Variants in VPS4B observed in about 807,000 individuals in gnomAD.
VPS4B encodes the protein vacuolar protein sorting-associated protein 4B.
Under a neutral mutation model 56.1 loss-of-function variants are expected in VPS4B, and 23 were observed. The ratio of observed to expected loss-of-function variants is 0.41; its 90% CI spans 0.30 to 0.58. The LOEUF (loss-of-function observed/expected upper bound fraction) is 0.58. VPS4B is among the 20% of genes least tolerant of loss of function. The pLI, the probability that VPS4B is intolerant of heterozygous loss-of-function variation, is 0.29. For missense variants in VPS4B, 372 were observed against 531.9 expected (o/e 0.70, Z 2.96); for synonymous variants, 177 against 186.0 (o/e 0.95, Z 0.39).
chr18:63,409,797 A>G (rs746987), intron 3 of VPS4B, among the ~76,000 whole-genome samples: 23,562 of 152,218 alleles, frequency 0.15, 2,067 homozygotes, highest in East Asian at 0.35. Flanking sequence ...AAAAATTTAC[A>G]TTGTTGGAGT....
intron 1 of VPS4B, among the ~76,000 whole-genome samples, chr18:63,421,064 G>C (rs981384483): frequency 6.8e-6 from 1 of 148,138 alleles, no homozygotes; most frequent in East Asian, 2.0e-4. Flanking sequence ...AGAAAGAAAA[G>C]AAAAGGAAAA....
chr18:63,399,603 C>T (rs1188133733), intron 7 of VPS4B, among the ~76,000 whole-genome samples: 1 of 152,088 alleles, frequency 6.6e-6, no homozygotes, highest in East Asian at 1.9e-4. Context: ...AAATTTCATT[C>T]GAAGTCTACA....
chr18:63,410,149 G>A, intron 3 of VPS4B, 141 bp downstream of exon 3: 1 of 1,110,962 alleles, frequency 9.0e-7, no homozygotes, highest in East Asian at 2.4e-5. Flanking sequence ...GCTGTGTTCT[G>A]ATAAAGCTTA....
At chr18:63,410,557 A>T (rs1916017842) in intron 2 of VPS4B, 111 bp from the exon 3 acceptor site, 1 of 1,363,836 alleles carries the variant, frequency 7.3e-7, no homozygotes, top group Admixed American at 2.3e-5. Flanking sequence ...TGGAAGAAGG[A>T]GGGAAGATCA....
intron 8 of VPS4B, among the ~76,000 whole-genome samples, chr18:63,398,608 C>T (rs548610992): frequency 3.3e-5 from 5 of 151,674 alleles, no homozygotes; most frequent in African/African-American, 1.2e-4. Context: ...GAGGCTGAGG[C>T]GGGTGGATCA....
rs1015779480 is a variant in VPS4B at position 63,422,431 on chromosome 18, G to A, written c.-172C>T. ...GTTTTAGACAACACTCTCTCCACCA[G>A]AGCTCCGACCCTCCCCACCAAACTT... On this transcript the variant is annotated 5_prime_UTR_variant, in exon 1 of 11. Transcript: ENST00000238497. 2.2e-5 allele frequency: 11 copies of A among 497,016 alleles called. No individual in the cohort carries two copies. Among genetic ancestry groups the A allele is most frequent in the Admixed American group, 4.4e-5 (1 of 22,534 alleles). 30.8% of individuals were successfully genotyped at this position (497,016 alleles called of 1,614,324 possible). A position where few individuals can be genotyped will look rare whatever the true frequency, so the allele number is the denominator to read the frequency against.
At chr18:63,393,284 G>A (rs1045904141) in intron 10 of VPS4B, 125 bp downstream of exon 10, 46 of 840,844 alleles carry the variant, frequency 5.5e-5, no homozygotes, top group Non-Finnish European at 7.2e-5. Flanking sequence ...AATTTTTAAT[G>A]AGTCAACAAT....
chr18:63,420,914 T>C (rs1171805269), intron 1 of VPS4B, among the ~76,000 whole-genome samples: 1 of 151,292 alleles, frequency 6.6e-6, no homozygotes, highest in Admixed American at 6.6e-5. Flanking sequence ...GGTGGGTGCC[T>C]GTAGTCCCAG....
rs772560980 is a variant in VPS4B at position 63,422,281 on chromosome 18, CCAAGGGAACGAGGGG to C, written c.-37_-23del. The C allele has an allele frequency of 4.7e-6, 7 of 1,500,330 alleles. No individual in the cohort carries two copies. In the South Asian group the frequency reaches 9.0e-5, roughly 19 times the overall value. The allele number at this position is 1,500,330 out of a possible 1,614,324, so 92.9% of individuals were successfully genotyped here. A position where few individuals can be genotyped will look rare whatever the true frequency, so the allele number is the denominator to read the frequency against. On this transcript the variant is annotated 5_prime_UTR_variant, in exon 1 of 11. Coordinates refer to ENST00000238497, the MANE Select transcript of VPS4B (RefSeq NM_004869.4). ...ACATGGCGGAGTTCCCAGGCGGTTC[CCAAGGGAACGAGGGG>C]CGAGGAGAGCCAACAGCAGCAACGT... is the stretch of plus-strand genomic sequence containing the variant.
chr18:63,394,369 T>TTA (rs958963910), intron 9 of VPS4B, among the ~76,000 whole-genome samples: 1 of 152,242 alleles, frequency 6.6e-6, no homozygotes, highest in African/African-American at 2.4e-5. Context: ...CATGTACAAC[T>TTA]TATTTATAAG....
chr18:63,408,420 C>T (rs35600525), intron 3 of VPS4B, among the ~76,000 whole-genome samples: 8,382 of 152,208 alleles, frequency 0.055, 736 homozygotes, highest in African/African-American at 0.18. Flanking sequence ...CAACCTCTTT[C>T]TATCATGCTG....
At chr18:63,403,602 T>C in intron 5 of VPS4B, 105 bp downstream of exon 5, 1 of 1,226,424 alleles carries the variant, frequency 8.2e-7, no homozygotes, top group Non-Finnish European at 1.1e-6. Context: ...ACAGTCACAA[T>C]TTATTTAAGA....
chr18:63,392,730 G>T (rs1489767325), intron 10 of VPS4B, among the ~76,000 whole-genome samples: 1 of 140,812 alleles, frequency 7.1e-6, no homozygotes, highest in Non-Finnish European at 1.5e-5. Flanking sequence ...TTACAGGCAT[G>T]AGCCACCGTA....
rs548226766 is a variant in VPS4B, at chr18:63,396,975, G to A, written c.1092+59C>T. ...ACTGCACTCCAGCCTGGGCAACAGA[G>A]TGAGACTGTCTCAAAAAAAAAAAAA... On this transcript the variant is annotated intron_variant, in intron 9 of 10. Coordinates refer to ENST00000238497, the MANE Select transcript of VPS4B (RefSeq NM_004869.4). 5.2e-6 allele frequency: 8 copies of A among 1,532,404 alleles called. No homozygotes were observed. In the East Asian group the frequency reaches 1.8e-4, roughly 35 times the overall value. 94.9% of individuals were successfully genotyped at this position (1,532,404 alleles called of 1,614,324 possible). A position where few individuals can be genotyped will look rare whatever the true frequency, so the allele number is the denominator to read the frequency against.
chr18:63,397,393 C>T (rs537958647), intron 8 of VPS4B, 140 bp from the exon 9 acceptor site: 2 of 756,738 alleles, frequency 2.6e-6, no homozygotes, highest in South Asian at 2.3e-5. Flanking sequence ...ATATCCAGAA[C>T]ACATTAAAAA....
intron 2 of VPS4B, among the ~76,000 whole-genome samples, chr18:63,410,814 G>A (rs1355779602): frequency 1.3e-5 from 2 of 152,170 alleles, no homozygotes; most frequent in Non-Finnish European, 2.9e-5. Flanking sequence ...CAAATAGAAG[G>A]AAAGCAGTAT....
chr18:63,413,479 C>T (rs1172950143), intron 1 of VPS4B, among the ~76,000 whole-genome samples: 1 of 146,718 alleles, frequency 6.8e-6, no homozygotes, highest in Non-Finnish European at 1.5e-5. Flanking sequence ...GCGGTGGTTG[C>T]AGTGAGCCAA....
intron 1 of VPS4B, among the ~76,000 whole-genome samples, chr18:63,413,829 A>G (rs1012824036): frequency 3.9e-5 from 6 of 152,212 alleles, no homozygotes; most frequent in Admixed American, 1.3e-4. Context: ...AAATGGGAGG[A>G]ACAGGTCTCC....
chr18:63,418,890 C>T (rs1392218768), intron 1 of VPS4B, among the ~76,000 whole-genome samples: 2 of 152,122 alleles, frequency 1.3e-5, no homozygotes, highest in African/African-American at 4.8e-5. Context: ...CAGCCTAGTC[C>T]ACTCTCCCTA....
Sources: allele counts gnomAD v4.1 joint callset (sites outside exome capture counted in the v4.1 genomes callset), GRCh38; gene constraint gnomAD v4.1.1; transcripts MANE v1.5; gene names NCBI Gene and HGNC (gene_info 2026-07-23, HGNC 2026-07-21).